The following FARS2 variants were observed in gnomAD, a reference collection of about 807,000 sequenced individuals.
FARS2 encodes phenylalanine--tRNA ligase, mitochondrial.
A neutral mutation model predicts 46.4 loss-of-function variants in FARS2; 40 were observed. That is an observed-to-expected ratio of 0.86 (90% CI 0.67 to 1.12). FARS2 has a LOEUF of 1.12. Among genes scored for constraint, FARS2 ranks in the 50% most tolerant of loss-of-function variants. The probability of loss-of-function intolerance (pLI) is 0.00; values close to 1 mark genes in which losing one functional copy is unlikely to be tolerated. For missense variants in FARS2, 513 were observed against 567.9 expected (o/e 0.90, Z 0.98); for synonymous variants, 234 against 214.9 (o/e 1.09, Z -0.78).
intron 5 of FARS2, among the ~76,000 whole-genome samples, chr6:5,546,412 A>T (rs1042462879): frequency 1.3e-5 from 2 of 150,954 alleles, no homozygotes; most frequent in Non-Finnish European, 3.0e-5. Context: ...CACTACGCCC[A>T]GCTAATTTTG....
intron 2 of FARS2, among the ~76,000 whole-genome samples, chr6:5,370,027 A>G (rs1454195394): frequency 2.0e-5 from 3 of 152,116 alleles, no homozygotes; most frequent in Admixed American, 6.5e-5. Flanking sequence ...CACAGGGTGT[A>G]TTTCATTTTA....
chr6:5,551,598 A>G (rs1277018697), intron 5 of FARS2, among the ~76,000 whole-genome samples: 2 of 152,224 alleles, frequency 1.3e-5, no homozygotes, highest in Admixed American at 6.5e-5. Context: ...TGTTGCTGCT[A>G]TAATAAATTA....
intron 6 of FARS2, among the ~76,000 whole-genome samples, chr6:5,656,760 G>T (rs1305202824): frequency 6.6e-6 from 1 of 152,134 alleles, no homozygotes; most frequent in East Asian, 1.9e-4. Context: ...TGTTGGCCAG[G>T]CTGGTCTTGA....
At chr6:5,260,633 T>C (rs1338181312), upstream of FARS2, 9 of 845,232 alleles carry the variant, frequency 1.1e-5, no homozygotes, top group South Asian at 1.2e-4. Flanking sequence ...CGGCCCCCGG[T>C]GCCCGCTGGG....
In FARS2 at chr6:5,391,435, C is replaced by T. The variant is rs76808530; in HGVS notation, c.613-13107C>T. The stretch of plus-strand genomic sequence containing the variant: ...TACTAAACGGTGTGTAACTATTAAC[C>T]GTTAGTACTGCAAGTGGCAGTGAAG... On this transcript the variant is annotated intron_variant, in intron 2 of 6. Coordinates refer to ENST00000274680, the MANE Select transcript of FARS2 (RefSeq NM_006567.5). Among the ~76,000 whole-genome samples, 371 of 152,206 alleles carry T rather than the reference C, an allele frequency of 2.4e-3. 2 individuals are homozygous for T. The highest frequency in any genetic ancestry group is 7.9e-3 in the African/African-American group (330 of 41,536).
intron 5 of FARS2, among the ~76,000 whole-genome samples, chr6:5,596,463 G>C (rs1774202713): frequency 6.6e-6 from 1 of 152,216 alleles, no homozygotes; most frequent in Admixed American, 6.5e-5. Context: ...GGAGAAAGAA[G>C]ACATCCCTAA....
At chr6:5,706,429 A>G (rs879759283) in intron 6 of FARS2, among the ~76,000 whole-genome samples, 13 of 152,162 alleles carry the variant, frequency 8.5e-5, no homozygotes, top group Admixed American at 2.0e-4. Context: ...CTAATCTTAA[A>G]GTTGGCCAGT....
intron 1 of FARS2, among the ~76,000 whole-genome samples, chr6:5,340,546 C>T (rs1021127918): frequency 3.3e-5 from 5 of 152,110 alleles, no homozygotes; most frequent in Admixed American, 6.5e-5. Flanking sequence ...AAAAATCAAT[C>T]AGAATTTTCT....
At chr6:5,272,269 C>A (rs890387908) in intron 1 of FARS2, among the ~76,000 whole-genome samples, 5 of 152,144 alleles carry the variant, frequency 3.3e-5, no homozygotes, top group African/African-American at 1.2e-4. Flanking sequence ...AGACCATATT[C>A]TTTCTCTTTT....
intron 6 of FARS2, among the ~76,000 whole-genome samples, chr6:5,691,374 A>G (rs1293431893): frequency 3.3e-5 from 5 of 152,118 alleles, no homozygotes; most frequent in Non-Finnish European, 5.9e-5. Context: ...TTTGGTGTGG[A>G]TGTCCTTTCT....
At chr6:5,593,297 C>T (rs1774020522) in intron 5 of FARS2, among the ~76,000 whole-genome samples, 1 of 121,156 alleles carries the variant, frequency 8.3e-6, no homozygotes, top group South Asian at 2.3e-4. Context: ...GCACCTCCCG[C>T]CCCCACCGGC....
At chr6:5,672,670 C>G (rs977356106) in intron 6 of FARS2, among the ~76,000 whole-genome samples, 3 of 152,154 alleles carry the variant, frequency 2.0e-5, no homozygotes, top group Admixed American at 2.0e-4. Flanking sequence ...TTGCGAGCCC[C>G]CCTTAAAAAT....
At chr6:5,304,025 G>C (rs1768517124) in intron 1 of FARS2, among the ~76,000 whole-genome samples, 1 of 152,094 alleles carries the variant, frequency 6.6e-6, no homozygotes, top group Non-Finnish European at 1.5e-5. Context: ...AACATAGCAG[G>C]CTGCATGGTC....
At chr6:5,444,197 A>G (rs930543682) in intron 4 of FARS2, among the ~76,000 whole-genome samples, 1 of 151,818 alleles carries the variant, frequency 6.6e-6, no homozygotes, top group African/African-American at 2.4e-5. Flanking sequence ...GGCTGGGTGC[A>G]ATGGCTCAAG....
intron 6 of FARS2, among the ~76,000 whole-genome samples, chr6:5,760,371 T>C (rs949970650): frequency 1.3e-5 from 2 of 152,150 alleles, no homozygotes; most frequent in Admixed American, 6.5e-5. Flanking sequence ...TTTTCTGACC[T>C]CCAACTTGTT....
intron 1 of FARS2, among the ~76,000 whole-genome samples, chr6:5,303,476 G>A (rs1024681901): frequency 6.6e-6 from 1 of 152,026 alleles, no homozygotes; most frequent in Non-Finnish European, 1.5e-5. Context: ...AGGGCTGAGC[G>A]CACACCTTTA....
chr6:5,763,768 G>GTT lies in FARS2; in HGVS notation c.1218-7506_1218-7505dup, dbSNP rs77014974. Among the ~76,000 whole-genome samples the GTT allele has an allele frequency of 4.5e-3, 294 of 65,392 alleles. 3 individuals are homozygous for GTT. Among genetic ancestry groups the GTT allele is most frequent in the African/African-American group, 0.012 (290 of 24,718 alleles). The allele number at this position is 65,392 out of a possible 152,430, so 42.9% of individuals were successfully genotyped here. On this transcript the variant is annotated intron_variant, in intron 6 of 6. Coordinates refer to ENST00000274680, the MANE Select transcript of FARS2 (RefSeq NM_006567.5). ...GAATTTCATCTTCTCTTCCCTTTTG[G>GTT]TTTTTTTTTTTTTTTTTTAACATAG... is the stretch of plus-strand genomic sequence containing the variant.
chr6:5,361,475 A>T (rs534071781), intron 1 of FARS2, among the ~76,000 whole-genome samples: 1 of 152,206 alleles, frequency 6.6e-6, no homozygotes, highest in African/African-American at 2.4e-5. Context: ...AAGTCTCTTG[A>T]TAGTGCTGAA....
chr6:5,593,033 C>T (rs749036486), intron 5 of FARS2, among the ~76,000 whole-genome samples: 1 of 152,198 alleles, frequency 6.6e-6, no homozygotes, highest in Non-Finnish European at 1.5e-5. Context: ...GGCCCTCACC[C>T]TCCTCCCATC....
Sources: gnomAD v4.1 joint callset for allele counts (sites outside exome capture counted in the v4.1 genomes callset) on GRCh38, gnomAD v4.1.1 for gene constraint, MANE v1.5 for transcripts, NCBI Gene and HGNC (gene_info 2026-07-23, HGNC 2026-07-21) for gene names.